SND1: variants seen among roughly 807,000 people sequenced by gnomAD.
SND1 encodes the protein staphylococcal nuclease and tudor domain containing 1.
In SND1, 38 loss-of-function variants were observed where a neutral mutation model predicts 121.7. The ratio of observed to expected loss-of-function variants is 0.31; its 90% CI spans 0.24 to 0.41. The LOEUF (loss-of-function observed/expected upper bound fraction) is 0.41. Among genes scored for constraint, SND1 ranks in the 10% least tolerant of loss-of-function variants. The pLI, the probability that SND1 is intolerant of heterozygous loss-of-function variation, is 1.00. For missense variants in SND1, 868 were observed against 1,184.6 expected (o/e 0.73, Z 3.92); for synonymous variants, 401 against 447.4 (o/e 0.90, Z 1.31).
intron 14 of SND1, among the ~76,000 whole-genome samples, chr7:127,922,199 T>TGTTTTTTTTTTG (rs745628141): frequency 2.1e-5 from 2 of 93,500 alleles, no homozygotes; most frequent in African/African-American, 8.6e-5. Context: ...TTTTTTTTTT[T>TGTTTTTTTTTTG]TTTTGTTTTG....
At chr7:127,794,144 G>A (rs1050989129) in intron 10 of SND1, among the ~76,000 whole-genome samples, 1 of 152,194 alleles carries the variant, frequency 6.6e-6, no homozygotes, top group South Asian at 2.1e-4. Flanking sequence ...AGGTTAGACT[G>A]ATATCTGTCC....
chr7:127,802,640 C>T (rs1308836547), intron 10 of SND1, among the ~76,000 whole-genome samples: 2 of 152,168 alleles, frequency 1.3e-5, no homozygotes, highest in Non-Finnish European at 2.9e-5. Context: ...GAAGATACTA[C>T]CTATATGCCA....
intron 16 of SND1, chr7:128,032,219 A>AGCGCCGCGCCGGCCG (rs951802361): frequency 1.3e-5 from 2 of 150,154 alleles, no homozygotes; most frequent in Non-Finnish European, 3.0e-5. Context: ...GGCGCCTTCC[A>AGCGCCGCGCCGGCCG]GCGCCGCGCC....
chr7:127,857,984 C>T, intron 12 of SND1: 1 of 1,448,290 alleles, frequency 6.9e-7, no homozygotes, highest in Non-Finnish European at 9.7e-7. Context: ...GTGAAGGGCC[C>T]ATGCAGCTCG....
At chr7:127,887,534 T>C (rs1201697047) in intron 12 of SND1, among the ~76,000 whole-genome samples, 1 of 152,126 alleles carries the variant, frequency 6.6e-6, no homozygotes, top group Non-Finnish European at 1.5e-5. Context: ...ATATGTTCCA[T>C]TTTTTTCTCT....
chr7:128,086,320 A>T (rs1399065579), intron 20 of SND1, among the ~76,000 whole-genome samples: 1 of 152,202 alleles, frequency 6.6e-6, no homozygotes, highest in African/African-American at 2.4e-5. Flanking sequence ...GAAAACTGTC[A>T]TTCAGGAGGG....
intron 10 of SND1, among the ~76,000 whole-genome samples, chr7:127,744,146 T>C (rs1796935054): frequency 6.6e-6 from 1 of 152,200 alleles, no homozygotes; most frequent in Non-Finnish European, 1.5e-5. Flanking sequence ...ATCATGAATA[T>C]TCCCTTTGCA....
intron 12 of SND1, among the ~76,000 whole-genome samples, chr7:127,853,722 T>C (rs117581514): frequency 2.0e-5 from 3 of 152,328 alleles, no homozygotes; most frequent in South Asian, 4.1e-4. Flanking sequence ...CATAACCCTA[T>C]TTTTCTCACA....
intron 12 of SND1, among the ~76,000 whole-genome samples, chr7:127,869,546 T>C (rs772189200): frequency 5.9e-5 from 9 of 152,182 alleles, no homozygotes; most frequent in Admixed American, 2.0e-4. Flanking sequence ...TAAAATCCCA[T>C]TGACTTTTTT....
chr7:128,091,162 T>A (rs552336022), intron 22 of SND1, among the ~76,000 whole-genome samples: 1 of 152,188 alleles, frequency 6.6e-6, no homozygotes, highest in South Asian at 2.1e-4. Flanking sequence ...ATAACTGCAG[T>A]GAAAAATAGA....
intron 3 of SND1, 132 bp from the exon 4 acceptor site, chr7:127,698,743 G>T: frequency 1.4e-6 from 1 of 711,566 alleles, no homozygotes. Context: ...ATGCTACATT[G>T]CTGCTGTGTC....
intron 16 of SND1, among the ~76,000 whole-genome samples, chr7:128,004,036 T>TAC (rs1802901994): frequency 6.6e-6 from 1 of 150,506 alleles, no homozygotes; most frequent in South Asian, 2.1e-4. Context: ...GTAACTTACT[T>TAC]TCTTTTTTTT....
intron 12 of SND1, among the ~76,000 whole-genome samples, chr7:127,880,817 T>A (rs1799776530): frequency 6.6e-6 from 1 of 152,064 alleles, no homozygotes; most frequent in East Asian, 1.9e-4. Context: ...GTGACATTTT[T>A]ACATGCCCAG....
rs947896627 is a variant in SND1 at position 127,858,358 on chromosome 7, C to T, written c.1343+13934C>T. The T allele has an allele frequency of 6.2e-5, 84 of 1,355,878 alleles. 1 individual carries two copies. Among genetic ancestry groups the T allele is most frequent in the Non-Finnish European group, 8.2e-5 (80 of 973,744 alleles). The allele number at this position is 1,355,878 out of a possible 1,614,324, so 84.0% of individuals were successfully genotyped here. ...CTCGGGCCCCCAGATGCCTCAGTGC[C>T]CTAGCCACTGTCTCTCTAGGCAATA... On this transcript the variant is annotated intron_variant, in intron 12 of 23. Transcript: ENST00000354725.
chr7:127,779,373 T>C (rs888296626), intron 10 of SND1, among the ~76,000 whole-genome samples: 1 of 152,344 alleles, frequency 6.6e-6, no homozygotes, highest in East Asian at 1.9e-4. Flanking sequence ...CCAGTTGTTC[T>C]GCTTCTCTAA....
intron 15 of SND1, among the ~76,000 whole-genome samples, chr7:127,945,000 C>A (rs1028198219): frequency 6.6e-6 from 1 of 152,152 alleles, no homozygotes; most frequent in African/African-American, 2.4e-5. Flanking sequence ...ACTACATCCC[C>A]CTCTATCACT....
intron 16 of SND1, chr7:128,030,085 A>G: frequency 1.2e-6 from 2 of 1,613,582 alleles, no homozygotes; most frequent in Non-Finnish European, 1.7e-6. Flanking sequence ...TCAGAGATAT[A>G]CTCCAGCTTC....
At chr7:127,828,961 G>A (rs182417654) in intron 11 of SND1, among the ~76,000 whole-genome samples, 1 of 152,298 alleles carries the variant, frequency 6.6e-6, no homozygotes, top group African/African-American at 2.4e-5. Context: ...ACCTCTTAGA[G>A]GTAGGGGCGG....
intron 12 of SND1, among the ~76,000 whole-genome samples, chr7:127,880,218 A>C (rs1408839674): frequency 6.6e-6 from 1 of 152,134 alleles, no homozygotes; most frequent in East Asian, 1.9e-4. Flanking sequence ...AATTAGATCG[A>C]CTGGCTATGG....
Sources: gnomAD v4.1 joint callset for allele counts (sites outside exome capture counted in the v4.1 genomes callset) on GRCh38, gnomAD v4.1.1 for gene constraint, MANE v1.5 for transcripts, NCBI Gene and HGNC (gene_info 2026-07-23, HGNC 2026-07-21) for gene names.